Variants in TBC1D5 observed in about 807,000 individuals in gnomAD.
The protein encoded by TBC1D5 is TBC1 domain family, member 5.
Under a neutral mutation model 100.3 loss-of-function variants are expected in TBC1D5, and 75 were observed. The ratio of observed to expected loss-of-function variants is 0.75; its 90% CI spans 0.62 to 0.91. The LOEUF is 0.91. Among genes scored for constraint, TBC1D5 ranks in the 40% least tolerant of loss-of-function variants. TBC1D5 has a pLI of 0.00. For missense variants in TBC1D5, 910 were observed against 942.4 expected (o/e 0.97, Z 0.45); for synonymous variants, 323 against 325.6 (o/e 0.99, Z 0.09).
At chr3:17,714,603 C>T (rs2075060874) in intron 1 of TBC1D5, among the ~76,000 whole-genome samples, 1 of 152,122 alleles carries the variant, frequency 6.6e-6, no homozygotes, top group African/African-American at 2.4e-5. Context: ...TAGCTAAACA[C>T]AAGGTAAAGA....
chr3:17,230,913 G>T (rs1355137922), intron 17 of TBC1D5, among the ~76,000 whole-genome samples: 1 of 152,044 alleles, frequency 6.6e-6, no homozygotes, highest in African/African-American at 2.4e-5. Flanking sequence ...TATACTTTAA[G>T]TCATCTCTGA....
chr3:17,417,164 G>T (rs1441071305), intron 4 of TBC1D5, among the ~76,000 whole-genome samples: 3 of 152,002 alleles, frequency 2.0e-5, no homozygotes, highest in Admixed American at 2.0e-4. Context: ...AGACCTTTAA[G>T]ATTTTTTTGA....
chr3:17,161,579 T>G (rs115139691), intron 21 of TBC1D5, among the ~76,000 whole-genome samples: 2 of 152,328 alleles, frequency 1.3e-5, no homozygotes, highest in South Asian at 4.1e-4. Context: ...AGATGGCCAA[T>G]AGGTTGCAGG....
At chr3:17,688,926 T>C (rs4408889) in intron 1 of TBC1D5, among the ~76,000 whole-genome samples, 76,019 of 152,020 alleles carry the variant, frequency 0.5, 20,545 homozygotes, top group East Asian at 0.94. Context: ...CTTTCTTATA[T>C]TTTTAAAACT....
intron 2 of TBC1D5, among the ~76,000 whole-genome samples, chr3:17,563,982 C>T (rs2096577099): frequency 6.6e-6 from 1 of 152,156 alleles, no homozygotes; most frequent in African/African-American, 2.4e-5. Flanking sequence ...CGGGGTTTCA[C>T]CGTGTTAGCC....
intron 9 of TBC1D5, among the ~76,000 whole-genome samples, chr3:17,377,420 A>G (rs2092752621): frequency 6.6e-6 from 1 of 152,036 alleles, no homozygotes. Context: ...ACCTTTGCTA[A>G]TTGAGATTTC....
In TBC1D5 at chr3:17,472,295, C is replaced by A. The variant is rs528446070; in HGVS notation, c.97+36179G>T. ...CTGGGACTACAGGCACGCGCCACCA[C>A]ACCCAGCTAATTTTTGTATTTTTTG... On this transcript the variant is annotated intron_variant, in intron 3 of 21. Transcript: ENST00000253692. Among the ~76,000 whole-genome samples, 5 of 152,088 alleles carry A rather than the reference C, an allele frequency of 3.3e-5. No individual in the cohort carries two copies. The East Asian group carries it at 9.7e-4, about 29-fold the overall frequency.
At chr3:17,508,718 C>T (rs2095870081) in intron 2 of TBC1D5, 113 bp from the exon 3 acceptor site, 4 of 490,020 alleles carry the variant, frequency 8.2e-6, no homozygotes, top group African/African-American at 5.8e-5. Flanking sequence ...ACAAGTTTTT[C>T]CCAGGCTCCA....
chr3:17,528,630 C>A (rs535840975), intron 2 of TBC1D5, among the ~76,000 whole-genome samples: 2 of 152,194 alleles, frequency 1.3e-5, no homozygotes, highest in Admixed American at 6.5e-5. Flanking sequence ...TTCACCCCCC[C>A]ATTCTCTACT....
chr3:17,555,885 T>C (rs2096514805), intron 2 of TBC1D5, among the ~76,000 whole-genome samples: 1 of 152,224 alleles, frequency 6.6e-6, no homozygotes, highest in Non-Finnish European at 1.5e-5. Flanking sequence ...GACCTTTCCA[T>C]TCCTGTCATG....
intron 3 of TBC1D5, among the ~76,000 whole-genome samples, chr3:17,460,628 G>A (rs981568111): frequency 3.3e-5 from 5 of 151,954 alleles, no homozygotes; most frequent in Non-Finnish European, 7.4e-5. Context: ...ACTCTTGAGA[G>A]TCAAATTTGA....
At chr3:17,646,958 T>C (rs1451537876) in intron 1 of TBC1D5, 3 of 152,128 alleles carry the variant, frequency 2.0e-5, no homozygotes, top group Non-Finnish European at 2.9e-5. Flanking sequence ...CATGCATACA[T>C]ACCCACTGCT....
intron 18 of TBC1D5, among the ~76,000 whole-genome samples, chr3:17,201,703 G>A (rs2071484391): frequency 6.6e-6 from 1 of 152,122 alleles, no homozygotes; most frequent in Non-Finnish European, 1.5e-5. Flanking sequence ...TTAAAAGTGT[G>A]TAGCACCTCC....
chr3:17,523,911 T>C (rs930604541), intron 2 of TBC1D5, among the ~76,000 whole-genome samples: 2 of 152,224 alleles, frequency 1.3e-5, no homozygotes, highest in Non-Finnish European at 2.9e-5. Flanking sequence ...ATTTGTGTTA[T>C]TAAACTTTCA....
intron 2 of TBC1D5, among the ~76,000 whole-genome samples, chr3:17,558,148 G>A (rs2096534329): frequency 6.6e-6 from 1 of 152,070 alleles, no homozygotes; most frequent in Non-Finnish European, 1.5e-5. Context: ...TATAAGAAAC[G>A]AAAGTCAACT....
intron 14 of TBC1D5, among the ~76,000 whole-genome samples, chr3:17,300,147 C>T (rs1049273801): frequency 3.3e-5 from 5 of 152,034 alleles, no homozygotes; most frequent in Non-Finnish European, 5.9e-5. Flanking sequence ...GTAGTATAAA[C>T]GGTGTTTGTA....
chr3:17,597,003 C>G (rs1254347602), intron 2 of TBC1D5, among the ~76,000 whole-genome samples: 1 of 152,138 alleles, frequency 6.6e-6, no homozygotes, highest in African/African-American at 2.4e-5. Flanking sequence ...AATTATAAAA[C>G]TCTAAACTTT....
At chr3:17,196,536 G>T (rs1054840044) in intron 18 of TBC1D5, among the ~76,000 whole-genome samples, 2 of 152,176 alleles carry the variant, frequency 1.3e-5, no homozygotes, top group Non-Finnish European at 2.9e-5. Context: ...GACTGTAAAG[G>T]GCCCTACAGG....
intron 1 of TBC1D5, among the ~76,000 whole-genome samples, chr3:17,701,174 T>G (rs529449827): frequency 6.6e-6 from 1 of 152,104 alleles, no homozygotes; most frequent in African/African-American, 2.4e-5. Context: ...TTCATGTCCT[T>G]TGCAGGGACA....
Sources: gnomAD v4.1 joint callset for allele counts (sites outside exome capture counted in the v4.1 genomes callset) on GRCh38, gnomAD v4.1.1 for gene constraint, MANE v1.5 for transcripts, NCBI Gene and HGNC (gene_info 2026-07-23, HGNC 2026-07-21) for gene names.